KIF6: variants seen among roughly 807,000 people sequenced by gnomAD.
The protein encoded by KIF6 is kinesin-like protein KIF6.
A neutral mutation model predicts 112.7 loss-of-function variants in KIF6; 106 were observed. That is an observed-to-expected ratio of 0.94 (90% CI 0.80 to 1.11). The LOEUF (loss-of-function observed/expected upper bound fraction) is 1.11, where lower values mean the gene tolerates loss of function less well. Ranked by LOEUF, KIF6 falls within the 50% of genes least tolerant of loss-of-function variation. The probability of loss-of-function intolerance (pLI) is 0.00; values close to 1 mark genes in which losing one functional copy is unlikely to be tolerated. For missense variants in KIF6, 929 were observed against 964.0 expected (o/e 0.96, Z 0.48); for synonymous variants, 339 against 339.9 (o/e 1.00, Z 0.03).
intron 13 of KIF6, among the ~76,000 whole-genome samples, chr6:39,468,622 A>G (rs1458602290): frequency 6.6e-6 from 1 of 152,186 alleles, no homozygotes; most frequent in Non-Finnish European, 1.5e-5. Flanking sequence ...CAGTAAAACT[A>G]TTCTTCAAAA....
intron 13 of KIF6, among the ~76,000 whole-genome samples, chr6:39,534,411 G>C (rs201468524): frequency 6.6e-6 from 1 of 152,194 alleles, no homozygotes; most frequent in Non-Finnish European, 1.5e-5. Flanking sequence ...ACTACATGAA[G>C]AATGCAGAAG....
chr6:39,654,150 G>A (rs1785633213), intron 3 of KIF6, among the ~76,000 whole-genome samples: 1 of 152,154 alleles, frequency 6.6e-6, no homozygotes, highest in Non-Finnish European at 1.5e-5. Context: ...AGATGAACAG[G>A]TGGGGAAGAC....
chr6:39,431,757 G>A (rs901527357), intron 13 of KIF6, among the ~76,000 whole-genome samples: 2 of 152,020 alleles, frequency 1.3e-5, no homozygotes, highest in Non-Finnish European at 2.9e-5. Flanking sequence ...TCAATATCCT[G>A]TATCGCCTTT....
chr6:39,517,902 C>CA (rs933712111), intron 13 of KIF6, among the ~76,000 whole-genome samples: 2 of 152,106 alleles, frequency 1.3e-5, no homozygotes, highest in South Asian at 4.2e-4. Context: ...AGAAAAATCA[C>CA]AAAAAAACCA....
intron 12 of KIF6, among the ~76,000 whole-genome samples, chr6:39,541,430 CTT>C (rs1439958540): frequency 6.6e-6 from 1 of 152,222 alleles, no homozygotes; most frequent in African/African-American, 2.4e-5. Flanking sequence ...CGCTGCTCCT[CTT>C]TGTATGGAAC....
intron 13 of KIF6, among the ~76,000 whole-genome samples, chr6:39,463,555 T>C (rs16892158): frequency 0.055 from 8,451 of 152,310 alleles, 436 homozygotes; most frequent in East Asian, 0.25. Context: ...TTTAACATCA[T>C]TGAAATTATA....
intron 13 of KIF6, among the ~76,000 whole-genome samples, chr6:39,511,275 G>C (rs545902015): frequency 7.2e-5 from 11 of 152,096 alleles, no homozygotes; most frequent in Non-Finnish European, 1.3e-4. Context: ...TCAAAAAGTG[G>C]GCAAAGGATA....
chr6:39,346,047 G>C (rs1212171212), intron 20 of KIF6, among the ~76,000 whole-genome samples: 4 of 50,732 alleles, frequency 7.9e-5, no homozygotes, highest in African/African-American at 1.9e-4. Flanking sequence ...AGAAACTACA[G>C]TGCTCTCTCT....
intron 10 of KIF6, among the ~76,000 whole-genome samples, chr6:39,563,698 T>A (rs9369127): frequency 0.42 from 63,113 of 151,826 alleles, 13,872 homozygotes; most frequent in South Asian, 0.54. Context: ...GAGTTTGTAT[T>A]AATGCTTTTC....
In KIF6 at chr6:39,346,333, G is replaced by T. The variant is rs750773497; in HGVS notation, c.2231+143C>A. ...GTAGTAGAGGTGGGGCCTTTGGGTG[G>T]TGATTAAGTCATGAAGGTAGAACTC... On this transcript the variant is annotated intron_variant, in intron 20 of 22. Transcript: ENST00000287152. 7.1e-6 allele frequency: 5 copies of T among 701,916 alleles called. No individual in the cohort carries two copies. In the South Asian group the frequency reaches 7.5e-5, roughly 11 times the overall value. The allele number at this position is 701,916 out of a possible 1,614,324, so 43.5% of individuals were successfully genotyped here.
chr6:39,631,525 T>C (rs62403325), intron 5 of KIF6, among the ~76,000 whole-genome samples: 11,043 of 152,168 alleles, frequency 0.073, 538 homozygotes, highest in South Asian at 0.17. Context: ...CTTCGTATAA[T>C]TTTTCTTCTT....
intron 13 of KIF6, among the ~76,000 whole-genome samples, chr6:39,532,760 C>T (rs1200752325): frequency 6.6e-6 from 1 of 152,190 alleles, no homozygotes; most frequent in African/African-American, 2.4e-5. Context: ...TTCAGAAAAC[C>T]ATGCATGTCA....
chr6:39,604,897 T>G (rs908065441), intron 6 of KIF6, among the ~76,000 whole-genome samples: 7 of 152,116 alleles, frequency 4.6e-5, no homozygotes, highest in Non-Finnish European at 8.8e-5. Flanking sequence ...GAATTAGTGG[T>G]TCTGTTGAAG....
At chr6:39,391,945 A>ATG (rs926530744) in intron 15 of KIF6, among the ~76,000 whole-genome samples, 6 of 151,026 alleles carry the variant, frequency 4.0e-5, no homozygotes, top group Non-Finnish European at 8.9e-5. Context: ...ATATGAATGC[A>ATG]TGTATATATA....
intron 13 of KIF6, among the ~76,000 whole-genome samples, chr6:39,508,187 C>A (rs1045955627): frequency 1.3e-5 from 2 of 151,838 alleles, no homozygotes; most frequent in Non-Finnish European, 2.9e-5. Flanking sequence ...GTATCACCCA[C>A]AAAGATTCTA....
intron 13 of KIF6, among the ~76,000 whole-genome samples, chr6:39,449,074 TTC>T (rs527300215): frequency 5.3e-5 from 8 of 152,236 alleles, no homozygotes; most frequent in Non-Finnish European, 1.2e-4. Context: ...ACCTCTCTGC[TTC>T]TCTTTGTCTC....
chr6:39,627,988 A>G (rs949970751), intron 5 of KIF6, among the ~76,000 whole-genome samples: 4 of 152,320 alleles, frequency 2.6e-5, no homozygotes, highest in African/African-American at 9.6e-5. Flanking sequence ...TTTAATACAC[A>G]TATGTGTGTA....
intron 13 of KIF6, among the ~76,000 whole-genome samples, chr6:39,448,652 C>A (rs967355653): frequency 1.3e-5 from 2 of 152,170 alleles, no homozygotes; most frequent in African/African-American, 4.8e-5. Context: ...GTCCTACCTC[C>A]CTGGCTTCTC....
rs1207694235 is a variant in KIF6, at chr6:39,703,078, C to CA, written c.251+11613_251+11614insT. 1.0e-4 allele frequency among the ~76,000 whole-genome samples: 4 copies of CA among 39,372 alleles called. No individual in the cohort carries two copies. In the East Asian group the frequency reaches 9.0e-3, roughly 88 times the overall value. 25.8% of individuals were successfully genotyped at this position (39,372 alleles called of 152,430 possible). A position where few individuals can be genotyped will look rare whatever the true frequency, so the allele number is the denominator to read the frequency against. On this transcript the variant is annotated intron_variant, in intron 3 of 22. Coordinates refer to ENST00000287152, the MANE Select transcript of KIF6 (RefSeq NM_145027.6). ...GCCACCAAGACAAAATCCACCAACC[C>CA]CCCACCCCCACTCCCGGCCACCAAG...
Sources: gnomAD v4.1 joint callset for allele counts (sites outside exome capture counted in the v4.1 genomes callset) on GRCh38, gnomAD v4.1.1 for gene constraint, MANE v1.5 for transcripts, NCBI Gene and HGNC (gene_info 2026-07-23, HGNC 2026-07-21) for gene names.